ERBB4: variants seen among roughly 807,000 people sequenced by gnomAD.
ERBB4 encodes receptor tyrosine-protein kinase erbB-4.
In ERBB4, 42 loss-of-function variants were observed where a neutral mutation model predicts 158.0. The observed-to-expected ratio is 0.27, with a 90% CI of 0.21 to 0.34. The LOEUF (loss-of-function observed/expected upper bound fraction) is 0.34, where lower values mean the gene tolerates loss of function less well. ERBB4 is among the 10% of genes least tolerant of loss of function. The probability of loss-of-function intolerance (pLI) is 1.00; values close to 1 mark genes in which losing one functional copy is unlikely to be tolerated. For missense variants in ERBB4, 1,333 were observed against 1,624.1 expected (o/e 0.82, Z 3.08); for synonymous variants, 583 against 558.7 (o/e 1.04, Z -0.61).
chr2:211,962,549 C>G (rs991606203), intron 2 of ERBB4, among the ~76,000 whole-genome samples: 3 of 152,080 alleles, frequency 2.0e-5, no homozygotes, highest in Admixed American at 1.3e-4. Context: ...ATTAGTGGCA[C>G]TGTATACAGA....
chr2:212,260,872 A>T (rs1429437264), intron 1 of ERBB4, among the ~76,000 whole-genome samples: 3 of 152,152 alleles, frequency 2.0e-5, no homozygotes, highest in African/African-American at 7.2e-5. Flanking sequence ...TTAAATGGTT[A>T]TTTGAAGAAA....
chr2:211,385,907 A>G (rs1342862581), intron 27 of ERBB4, among the ~76,000 whole-genome samples: 2 of 152,180 alleles, frequency 1.3e-5, no homozygotes, highest in Admixed American at 6.5e-5. Flanking sequence ...TGAGCATCCA[A>G]ACTCTTCATT....
intron 19 of ERBB4, among the ~76,000 whole-genome samples, chr2:211,578,214 C>A (rs938352640): frequency 7.2e-5 from 11 of 151,968 alleles, no homozygotes; most frequent in Non-Finnish European, 1.6e-4. Flanking sequence ...TTGCTACAAA[C>A]AGAATAAAAT....
chr2:211,501,632 G>A lies in ERBB4; in HGVS notation c.2487+60271C>T, dbSNP rs1026100232. Among the ~76,000 whole-genome samples, 6 of 151,826 alleles carry A rather than the reference G, an allele frequency of 4.0e-5. No homozygotes were observed. The East Asian group carries it at 1.2e-3, about 29-fold the overall frequency. Reference sequence around the variant, plus strand: ...TACATATGGATGCTTAAGTACATATGAACATATTGTATTTATCTAACACAA... The same window carrying A: ...TACATATGGATGCTTAAGTACATATAAACATATTGTATTTATCTAACACAA... On this transcript the variant is annotated intron_variant, in intron 20 of 27. Transcript: ENST00000342788.
intron 1 of ERBB4, among the ~76,000 whole-genome samples, chr2:212,263,150 A>C (rs1454824826): frequency 6.6e-6 from 1 of 152,154 alleles, no homozygotes; most frequent in Non-Finnish European, 1.5e-5. Context: ...CAAGCCAAGG[A>C]ATGGCAAGGA....
At chr2:212,035,186 A>T (rs543876459) in intron 2 of ERBB4, among the ~76,000 whole-genome samples, 10 of 152,326 alleles carry the variant, frequency 6.6e-5, no homozygotes, top group African/African-American at 2.4e-4. Flanking sequence ...AAATTATGAA[A>T]GGCTTTCCAG....
At chr2:211,912,993 T>C (rs917839473) in intron 3 of ERBB4, among the ~76,000 whole-genome samples, 1 of 152,194 alleles carries the variant, frequency 6.6e-6, no homozygotes, top group African/African-American at 2.4e-5. Flanking sequence ...CATAAATCAT[T>C]TGGCCGTGCT....
chr2:211,896,504 A>AT (rs1450199079), intron 3 of ERBB4, among the ~76,000 whole-genome samples: 2 of 151,962 alleles, frequency 1.3e-5, no homozygotes, highest in South Asian at 2.1e-4. Context: ...CTCCTCTCTG[A>AT]TTTTTTTATT....
intron 2 of ERBB4, among the ~76,000 whole-genome samples, chr2:211,999,736 T>A (rs558196257): frequency 6.6e-6 from 1 of 151,766 alleles, no homozygotes; most frequent in Non-Finnish European, 1.5e-5. Flanking sequence ...CTGTCTATAA[T>A]TTTTGTGTGT....
intron 25 of ERBB4, among the ~76,000 whole-genome samples, chr2:211,417,936 A>T (rs2063428930): frequency 6.6e-6 from 1 of 152,184 alleles, no homozygotes; most frequent in African/African-American, 2.4e-5. Context: ...AATACTCTGC[A>T]ATTTTTTAAA....
chr2:211,954,748 TCTC>T (rs2080981876), intron 2 of ERBB4, among the ~76,000 whole-genome samples: 1 of 152,066 alleles, frequency 6.6e-6, no homozygotes. Context: ...AATTGTAGCC[TCTC>T]CATCAGTAAA....
intron 19 of ERBB4, among the ~76,000 whole-genome samples, chr2:211,594,897 C>A (rs2068585122): frequency 6.6e-6 from 1 of 152,072 alleles, no homozygotes; most frequent in African/African-American, 2.4e-5. Context: ...CAATCCAAGA[C>A]TGAAATAGTA....
At position 212,015,352 on chromosome 2, in the gene ERBB4, ATC is replaced by A. The variant is rs376622235; in HGVS notation, c.235-67738_235-67737del. On this transcript the variant is annotated intron_variant, in intron 2 of 27. Coordinates refer to ENST00000342788, the MANE Select transcript of ERBB4 (RefSeq NM_005235.3). ...ACAGAGATCTTTTTCTAAAATGTAAATCTGTTTTTTGTCTTCAGTGATTGGCC... is the reference window on the plus strand; with the variant it reads ...ACAGAGATCTTTTTCTAAAATGTAAATGTTTTTTGTCTTCAGTGATTGGCC... Among the ~76,000 whole-genome samples the A allele has an allele frequency of 1.3e-3, 191 of 151,980 alleles. 2 individuals carry two copies. The highest frequency in any genetic ancestry group is 2.1e-3 in the Non-Finnish European group (140 of 67,960).
intron 25 of ERBB4, among the ~76,000 whole-genome samples, chr2:211,393,962 G>T (rs1273814621): frequency 6.6e-6 from 1 of 152,064 alleles, no homozygotes; most frequent in Non-Finnish European, 1.5e-5. Context: ...ATTGTTCCTA[G>T]TACAAGGCTT....
chr2:212,150,002 A>G (rs978069553), intron 1 of ERBB4, among the ~76,000 whole-genome samples: 3 of 152,156 alleles, frequency 2.0e-5, no homozygotes, highest in African/African-American at 4.8e-5. Context: ...CACTCAACAG[A>G]TATTTGTTCA....
chr2:212,511,969 CCT>C (rs1691546554), intron 1 of ERBB4, among the ~76,000 whole-genome samples: 1 of 152,046 alleles, frequency 6.6e-6, no homozygotes, highest in South Asian at 2.1e-4. Context: ...TAGTGCTTCC[CCT>C]GTGTTTCTCT....
intron 25 of ERBB4, among the ~76,000 whole-genome samples, chr2:211,415,409 G>T (rs1050224835): frequency 4.6e-5 from 7 of 152,010 alleles, no homozygotes; most frequent in Non-Finnish European, 1.0e-4. Flanking sequence ...GTGAGCCACC[G>T]CGCCCGGCCT....
intron 12 of ERBB4, 53 bp downstream of exon 12, chr2:211,701,914 A>T: frequency 7.4e-7 from 1 of 1,350,354 alleles, no homozygotes; most frequent in Non-Finnish European, 1.1e-6. Flanking sequence ...TCCAAAGAAG[A>T]ATGGGAAAAA....
intron 20 of ERBB4, among the ~76,000 whole-genome samples, chr2:211,541,728 A>G (rs2066814817): frequency 6.6e-6 from 1 of 151,952 alleles, no homozygotes; most frequent in Non-Finnish European, 1.5e-5. Flanking sequence ...GTTTGTTCCA[A>G]TTGTTAAATA....
Sources: allele counts gnomAD v4.1 joint callset (sites outside exome capture counted in the v4.1 genomes callset), GRCh38; gene constraint gnomAD v4.1.1; transcripts MANE v1.5; gene names NCBI Gene and HGNC (gene_info 2026-07-23, HGNC 2026-07-21).